MALRD1: variants seen among roughly 807,000 people sequenced by gnomAD.
The protein encoded by MALRD1 is MAM and LDL-receptor class A domain-containing protein 1.
MALRD1 carries 247 observed loss-of-function variants against 242.1 expected under a neutral mutation model. That is an observed-to-expected ratio of 1.02 (90% CI 0.92 to 1.13). The LOEUF is 1.13. Among genes scored for constraint, MALRD1 ranks in the 50% most tolerant of loss-of-function variants. The pLI is 0.00. For synonymous variants in MALRD1, 995 were observed against 866.6 expected (o/e 1.15, Z -2.60); for missense variants, 2,989 against 2,533.1 (o/e 1.18, Z -3.86).
intron 21 of MALRD1, among the ~76,000 whole-genome samples, chr10:19,286,778 C>A (rs1359595405): frequency 6.6e-6 from 1 of 151,306 alleles, no homozygotes; most frequent in Non-Finnish European, 1.5e-5. Context: ...TGAAACTATT[C>A]CAATCAATAG....
chr10:19,201,116 C>G (rs1836518080), intron 14 of MALRD1, among the ~76,000 whole-genome samples: 2 of 151,976 alleles, frequency 1.3e-5, no homozygotes, highest in African/African-American at 2.4e-5. Context: ...TAAAACATAT[C>G]CAGGCTATTT....
At chr10:19,151,714 T>A (rs1001441827) in intron 11 of MALRD1, among the ~76,000 whole-genome samples, 1 of 152,130 alleles carries the variant, frequency 6.6e-6, no homozygotes, top group Non-Finnish European at 1.5e-5. Context: ...GTGTGCTTTT[T>A]AAAAAAATTA....
intron 18 of MALRD1, among the ~76,000 whole-genome samples, chr10:19,220,191 C>G (rs1837498030): frequency 6.6e-6 from 1 of 152,108 alleles, no homozygotes. Context: ...TCTCCTGGCT[C>G]TCTACTACTA....
intron 38 of MALRD1, among the ~76,000 whole-genome samples, chr10:19,728,128 A>C (rs909713901): frequency 6.6e-6 from 1 of 152,182 alleles, no homozygotes; most frequent in African/African-American, 2.4e-5. Context: ...AAATAAAAGC[A>C]ATTTGAGACT....
At chr10:19,719,215 CATACAT>C (rs1834598418) in intron 38 of MALRD1, among the ~76,000 whole-genome samples, 1 of 84,294 alleles carries the variant, frequency 1.2e-5, no homozygotes, top group Non-Finnish European at 2.2e-5. Context: ...TATATATACA[CATACAT>C]ACATATATAT....
chr10:19,214,476 C>T (rs1010516931), intron 18 of MALRD1, among the ~76,000 whole-genome samples: 3 of 152,202 alleles, frequency 2.0e-5, no homozygotes, highest in African/African-American at 7.2e-5. Context: ...TCAATACAGT[C>T]TGTTGCTACA....
intron 19 of MALRD1, among the ~76,000 whole-genome samples, chr10:19,267,671 T>C (rs1043487678): frequency 2.6e-5 from 4 of 152,154 alleles, no homozygotes; most frequent in Non-Finnish European, 5.9e-5. Context: ...GCGTATTCAT[T>C]ATACTTGTCT....
chr10:19,446,068 G>A (rs1476764918), intron 28 of MALRD1, among the ~76,000 whole-genome samples: 1 of 152,162 alleles, frequency 6.6e-6, no homozygotes, highest in Non-Finnish European at 1.5e-5. Context: ...GGCTCTGTGG[G>A]CGTGGGACCC....
chr10:19,080,993 G>C (rs531865595), intron 2 of MALRD1, among the ~76,000 whole-genome samples: 2 of 151,968 alleles, frequency 1.3e-5, no homozygotes, highest in African/African-American at 4.8e-5. Context: ...CATTCGTGTG[G>C]CCCACAAACA....
chr10:19,149,108 C>G (rs1334901436), intron 11 of MALRD1, among the ~76,000 whole-genome samples: 1 of 151,522 alleles, frequency 6.6e-6, no homozygotes, highest in Non-Finnish European at 1.5e-5. Flanking sequence ...ATCTATCTAT[C>G]TATCTATCTA....
intron 21 of MALRD1, among the ~76,000 whole-genome samples, chr10:19,302,617 G>C (rs894503118): frequency 1.3e-5 from 2 of 151,754 alleles, no homozygotes; most frequent in Admixed American, 1.3e-4. Flanking sequence ...CCAAAGGATA[G>C]AGAAAGGTAG....
intron 28 of MALRD1, among the ~76,000 whole-genome samples, chr10:19,449,827 G>A (rs1564351750): frequency 6.6e-6 from 1 of 152,080 alleles, no homozygotes; most frequent in African/African-American, 2.4e-5. Context: ...ACGTACCCCT[G>A]AACCTAAAAT....
intron 26 of MALRD1, 99 bp from the exon 27 acceptor site, chr10:19,387,429 C>T: frequency 1.5e-6 from 2 of 1,373,794 alleles, no homozygotes; most frequent in Non-Finnish European, 1.9e-6. Context: ...ACAATATGTT[C>T]CTTTATAGAT....
intron 10 of MALRD1, among the ~76,000 whole-genome samples, chr10:19,142,334 C>T (rs35289193): frequency 0.17 from 25,634 of 151,866 alleles, 2,810 homozygotes; most frequent in Admixed American, 0.25. Flanking sequence ...CTAATATATT[C>T]TCATTAAATG....
At chr10:19,582,132 A>G (rs1055646596) in intron 33 of MALRD1, among the ~76,000 whole-genome samples, 3 of 152,096 alleles carry the variant, frequency 2.0e-5, no homozygotes, top group Non-Finnish European at 4.4e-5. Flanking sequence ...GCCCTTTGTC[A>G]GATGAGTAGG....
chr10:19,203,901 CTA>C, intron 15 of MALRD1, 21 bp downstream of exon 15: 1 of 1,550,210 alleles, frequency 6.5e-7, no homozygotes, highest in East Asian at 2.4e-5. Flanking sequence ...AACAGGGACT[CTA>C]CAACCACTGC....
chr10:19,419,679 C>T (rs925256182), intron 28 of MALRD1, among the ~76,000 whole-genome samples: 27 of 152,072 alleles, frequency 1.8e-4, no homozygotes, highest in East Asian at 5.8e-4. Flanking sequence ...TCAGTATTAC[C>T]GCTTCTCTGA....
At chr10:19,713,223 C>G (rs1834224916) in intron 38 of MALRD1, among the ~76,000 whole-genome samples, 2 of 152,166 alleles carry the variant, frequency 1.3e-5, no homozygotes. Context: ...GTCCAACTTT[C>G]TTATTCTTAT....
rs374039252 is a variant in MALRD1 at position 19,124,025 on chromosome 10, G to A, written c.796+432G>A. On this transcript the variant is annotated intron_variant, in intron 6 of 39. Transcript: ENST00000454679. ...GCTCAAAATTAGCCTGGGCAATATAGCAAGATGTCATCTCTACCAAAAAAA... is the reference window on the plus strand; with the variant it reads ...GCTCAAAATTAGCCTGGGCAATATAACAAGATGTCATCTCTACCAAAAAAA... Among the ~76,000 whole-genome samples the A allele has an allele frequency of 6.6e-4, 90 of 136,062 alleles. 1 individual carries two copies. In the South Asian group the frequency reaches 0.014, roughly 21 times the overall value. The allele number at this position is 136,062 out of a possible 152,430, so 89.3% of individuals were successfully genotyped here. A position where few individuals can be genotyped will look rare whatever the true frequency, so the allele number is the denominator to read the frequency against.
Sources: allele counts gnomAD v4.1 joint callset (sites outside exome capture counted in the v4.1 genomes callset), GRCh38; gene constraint gnomAD v4.1.1; transcripts MANE v1.5; gene names NCBI Gene and HGNC (gene_info 2026-07-23, HGNC 2026-07-21).